Variants in TLE7 observed in about 807,000 individuals in gnomAD.
TLE7 encodes TLE family member 7, also known as transducin-like enhancer protein 7.
chr16:71,434,266 C>T (rs1296578147), intron 1 of TLE7, among the ~76,000 whole-genome samples: 1 of 152,106 alleles, frequency 6.6e-6, no homozygotes, highest in Non-Finnish European at 1.5e-5. Context: ...GGTAAACAAT[C>T]AATAGAAGAT....
chr16:71,436,674 G>A (rs977714833), intron 1 of TLE7, among the ~76,000 whole-genome samples: 1 of 152,244 alleles, frequency 6.6e-6, no homozygotes, highest in Non-Finnish European at 1.5e-5. Flanking sequence ...TCCTTTGCTT[G>A]AGAAGGCTGA....
At chr16:71,432,989 T>G (rs910994973) in intron 2 of TLE7, 25 bp downstream of exon 2, 1 of 398,870 alleles carries the variant, frequency 2.5e-6, no homozygotes, top group Non-Finnish European at 4.4e-6. Flanking sequence ...CCACCCCCAC[T>G]GAGTCAGGTT....
chr16:71,432,909 GA>G lies in TLE7; in HGVS notation c.312-18del, dbSNP rs1224858809. On this transcript the variant is annotated intron_variant, in intron 2 of 9. Coordinates refer to ENST00000561754, the MANE Select transcript of TLE7 (RefSeq NM_001367365.2). ...AGTAGGAAGCTACAACACATGGAGA[GA>G]GGGAGGGAGGAGACAGAGTGTGAGC... The G allele has an allele frequency of 1.3e-5, 5 of 398,868 alleles. No individual in the cohort carries two copies. The highest frequency in any genetic ancestry group is 1.2e-3 in the Middle Eastern group (2 of 1,610). 24.7% of individuals were successfully genotyped at this position (398,868 alleles called of 1,614,324 possible).
At position 71,432,726 on chromosome 16, in the gene TLE7, G is replaced by A; in HGVS notation, c.335-3C>T. ...AGAGGAAGAAGAGTAAGGCTGGCCT[G>A]CAGGGAAAGAGCAATGCCCACCTGC... On this transcript the variant is annotated splice_region_variant and splice_polypyrimidine_tract_variant and intron_variant, in intron 3 of 9. Coordinates refer to ENST00000561754, the MANE Select transcript of TLE7 (RefSeq NM_001367365.2). The A allele has an allele frequency of 5.0e-6, 2 of 398,756 alleles. No individual in the cohort carries two copies. Among genetic ancestry groups the A allele is most frequent in the Non-Finnish European group, 8.8e-6 (2 of 226,146 alleles). 24.7% of individuals were successfully genotyped at this position (398,756 alleles called of 1,614,324 possible).
At chr16:71,430,555 C>A (rs2042797667) in intron 9 of TLE7, 113 bp downstream of exon 9, 1 of 397,698 alleles carries the variant, frequency 2.5e-6, no homozygotes, top group Non-Finnish European at 4.4e-6. Context: ...TGTAAAATGG[C>A]CCTGGCTGCC....
At chr16:71,438,228 T>C (rs112211091) in intron 1 of TLE7, among the ~76,000 whole-genome samples, 17,457 of 151,564 alleles carry the variant, frequency 0.12, 1,096 homozygotes, top group Non-Finnish European at 0.15. Context: ...AGGTCACGAG[T>C]TCGAGACCAG....
intron 1 of TLE7, among the ~76,000 whole-genome samples, chr16:71,434,079 G>T (rs1237504663): frequency 6.6e-6 from 1 of 152,222 alleles, no homozygotes; most frequent in Non-Finnish European, 1.5e-5. Context: ...CTCACCTAGA[G>T]GGGTTGGAGG....
chr16:71,434,001 A>C (rs1020055061), intron 1 of TLE7, among the ~76,000 whole-genome samples: 1 of 152,176 alleles, frequency 6.6e-6, no homozygotes. Flanking sequence ...ACATATTTCA[A>C]ATGAGGGCTC....
chr16:71,438,554 G>A (rs138772743), intron 1 of TLE7, among the ~76,000 whole-genome samples: 177 of 151,724 alleles, frequency 1.2e-3, no homozygotes, highest in African/African-American at 3.5e-3. Context: ...ATTGGTGGGC[G>A]GCTGTAATCC....
chr16:71,430,815 A>G (rs2042798942), intron 8 of TLE7, 74 bp from the exon 9 acceptor site: 1 of 397,746 alleles, frequency 2.5e-6, no homozygotes, highest in South Asian at 1.4e-4. Context: ...CCCCAACCAG[A>G]CTAAGGGCAA....
At chr16:71,434,400 G>T (rs1273777762) in intron 1 of TLE7, among the ~76,000 whole-genome samples, 1 of 152,132 alleles carries the variant, frequency 6.6e-6, no homozygotes, top group Non-Finnish European at 1.5e-5. Flanking sequence ...AGAGACCCAG[G>T]GTTCTATGAA....
chr16:71,433,439 G>C lies in TLE7; in HGVS notation c.-96-19C>G, dbSNP rs1273389502. 1 of 397,682 alleles carries C rather than the reference G, an allele frequency of 2.5e-6. No individual in the cohort carries two copies. The highest frequency in any genetic ancestry group is 4.4e-6 in the Non-Finnish European group (1 of 225,976). 24.6% of individuals were successfully genotyped at this position (397,682 alleles called of 1,614,324 possible). ...TGATCCCCTGTAAGGTGAAAAAAAA[G>C]AGACGCAGCTATGCACATGTGCTCT... On this transcript the variant is annotated intron_variant, in intron 1 of 9. Coordinates refer to ENST00000561754, the MANE Select transcript of TLE7 (RefSeq NM_001367365.2).
chr16:71,436,060 A>C (rs1045111901), intron 1 of TLE7, among the ~76,000 whole-genome samples: 2 of 152,142 alleles, frequency 1.3e-5, no homozygotes, highest in Non-Finnish European at 2.9e-5. Flanking sequence ...CAGAGCTAGG[A>C]ACACAGAGCT....
Position 71,432,299 on chromosome 16 carries a change from G to T in TLE7, c.420C>A (p.Val140=). 3 of 400,752 alleles carry T rather than the reference G, an allele frequency of 7.5e-6. No homozygotes were observed. The highest frequency in any genetic ancestry group is 2.5e-4 in the South Asian group (2 of 7,890). The allele number at this position is 400,752 out of a possible 1,614,324, so 24.8% of individuals were successfully genotyped here. A position where few individuals can be genotyped will look rare whatever the true frequency, so the allele number is the denominator to read the frequency against. ...AIPPIPDEVV[V]RQKRAPQGSW... is the part of the protein sequence containing the mutation. ...AGCCCTGTGGGGCCCTCTTCTGCCT[G>T]ACCACAACTTCATCTGGAATGGGGG... The change falls in exon 5 of 10, where the codon GTC becomes GTA. Residue 140 remains valine, a synonymous_variant. Coordinates refer to ENST00000561754, the MANE Select transcript of TLE7 (RefSeq NM_001367365.2).
At chr16:71,441,730 C>T (rs1264554685) in intron 1 of TLE7, among the ~76,000 whole-genome samples, 1 of 152,234 alleles carries the variant, frequency 6.6e-6, no homozygotes, top group East Asian at 1.9e-4. Flanking sequence ...CTCCCCTGCC[C>T]CCTTCCAGAC....
chr16:71,432,801 C>T lies in TLE7; in HGVS notation c.334+69G>A, dbSNP rs72791958. 2.5e-3 allele frequency: 979 copies of T among 399,106 alleles called. 1 individual carries two copies. The highest frequency in any genetic ancestry group is 3.2e-3 in the Non-Finnish European group (714 of 226,500). The allele number at this position is 399,106 out of a possible 1,614,324, so 24.7% of individuals were successfully genotyped here. On this transcript the variant is annotated intron_variant, in intron 3 of 9. Coordinates refer to ENST00000561754, the MANE Select transcript of TLE7 (RefSeq NM_001367365.2). ...GAAGCCTGCTCTGTTGACACCAGGC[C>T]CCCGTTCCTAGTCCCCCATCTGGGG...
chr16:71,438,467 AAAAAG>A (rs1477044248), intron 1 of TLE7, among the ~76,000 whole-genome samples: 3 of 150,812 alleles, frequency 2.0e-5, no homozygotes, highest in Non-Finnish European at 3.0e-5. Flanking sequence ...AGAAAAGAGA[AAAAAG>A]AAAAGAAAAG....
At chr16:71,437,461 G>GGAGAA (rs141786069) in intron 1 of TLE7, among the ~76,000 whole-genome samples, 45,393 of 150,580 alleles carry the variant, frequency 0.3, 7,200 homozygotes, top group South Asian at 0.5. Context: ...GAAAGAGAAG[G>GGAGAA]GAGAAGAGAA....
intron 1 of TLE7, among the ~76,000 whole-genome samples, chr16:71,440,704 A>G (rs1278221126): frequency 6.6e-6 from 1 of 152,134 alleles, no homozygotes; most frequent in Non-Finnish European, 1.5e-5. Flanking sequence ...CCCGGAGGCT[A>G]TGGGTAGCTG....
Sources: gnomAD v4.1 joint callset for allele counts (sites outside exome capture counted in the v4.1 genomes callset) on GRCh38, gnomAD v4.1.1 for gene constraint, MANE v1.5 for transcripts, NCBI Gene and HGNC (gene_info 2026-07-23, HGNC 2026-07-21) for gene names.